KSR2: variants seen among roughly 807,000 people sequenced by gnomAD.
The protein encoded by KSR2 is kinase suppressor of ras 2.
Under a neutral mutation model 107.8 loss-of-function variants are expected in KSR2, and 25 were observed. The observed-to-expected ratio is 0.23, with a 90% CI of 0.17 to 0.32. KSR2 has a LOEUF of 0.32. KSR2 is among the 10% of genes least tolerant of loss of function. KSR2 has a pLI of 1.00. For synonymous variants in KSR2, 480 were observed against 507.0 expected (o/e 0.95, Z 0.71); for missense variants, 887 against 1,268.9 (o/e 0.70, Z 4.57).
intron 4 of KSR2, among the ~76,000 whole-genome samples, chr12:117,749,318 T>G (rs1393711682): frequency 6.6e-6 from 1 of 151,284 alleles, no homozygotes; most frequent in Non-Finnish European, 1.5e-5. Context: ...GAGCATCAAT[T>G]CCTAAGTGAC....
intron 4 of KSR2, among the ~76,000 whole-genome samples, chr12:117,755,355 G>A (rs1247710916): frequency 6.6e-6 from 1 of 152,218 alleles, no homozygotes; most frequent in African/African-American, 2.4e-5. Flanking sequence ...GTTTCCAACA[G>A]CACAAGCTCA....
At chr12:117,632,134 C>CATT (rs1882835430) in intron 5 of KSR2, among the ~76,000 whole-genome samples, 1 of 149,718 alleles carries the variant, frequency 6.7e-6, no homozygotes, top group South Asian at 2.1e-4. Flanking sequence ...CAGTAAACTA[C>CATT]ATTATTCAAC....
intron 5 of KSR2, among the ~76,000 whole-genome samples, chr12:117,610,859 T>C (rs1322824178): frequency 6.6e-6 from 1 of 151,378 alleles, no homozygotes; most frequent in East Asian, 1.9e-4. Context: ...TATAGATAGA[T>C]AAAGAGAGAG....
Position 117,635,852 on chromosome 12 carries a change from C to G in KSR2, c.1171+31622G>C, listed in dbSNP as rs948605174. ...TGTCACCCAGCCTAGAGTGCAGTGG[C>G]GCGATCTCAGCTCACCGCAACCTCC... On this transcript the variant is annotated intron_variant, in intron 5 of 19. Transcript: ENST00000339824. 2.0e-5 allele frequency among the ~76,000 whole-genome samples: 3 copies of G among 150,336 alleles called. No homozygotes were observed. In the South Asian group the frequency reaches 6.3e-4, roughly 31 times the overall value.
chr12:117,933,917 G>A (rs754726089), intron 1 of KSR2, among the ~76,000 whole-genome samples: 5 of 152,140 alleles, frequency 3.3e-5, no homozygotes, highest in Admixed American at 6.6e-5. Flanking sequence ...GATACATGGC[G>A]CCTCTTAAAT....
At chr12:117,750,327 A>C (rs1289301469) in intron 4 of KSR2, among the ~76,000 whole-genome samples, 2 of 151,544 alleles carry the variant, frequency 1.3e-5, no homozygotes, top group South Asian at 2.1e-4. Context: ...TCAGGAGCAT[A>C]CATTTTACTA....
intron 5 of KSR2, among the ~76,000 whole-genome samples, chr12:117,603,526 T>G (rs1881069781): frequency 6.6e-6 from 1 of 152,190 alleles, no homozygotes; most frequent in African/African-American, 2.4e-5. Flanking sequence ...GCTGTTAGTC[T>G]TTTGGCTCTA....
chr12:117,703,581 A>G (rs962094121), intron 4 of KSR2, among the ~76,000 whole-genome samples: 1 of 152,206 alleles, frequency 6.6e-6, no homozygotes, highest in African/African-American at 2.4e-5. Flanking sequence ...AAAACAGCAA[A>G]GAAATTGAAC....
intron 5 of KSR2, among the ~76,000 whole-genome samples, chr12:117,633,381 T>C (rs1394089758): frequency 6.6e-6 from 1 of 152,206 alleles, no homozygotes; most frequent in Non-Finnish European, 1.5e-5. Flanking sequence ...CAGGAACAGG[T>C]GTGCGGGTTG....
chr12:117,608,838 T>C (rs1216094842), intron 5 of KSR2, among the ~76,000 whole-genome samples: 2 of 152,024 alleles, frequency 1.3e-5, no homozygotes, highest in African/African-American at 2.4e-5. Flanking sequence ...CATGGGAAAT[T>C]GCATGGAGCT....
chr12:117,938,825 C>T (rs761644588), intron 1 of KSR2, among the ~76,000 whole-genome samples: 6 of 152,120 alleles, frequency 3.9e-5, no homozygotes, highest in Admixed American at 1.3e-4. Context: ...AAAGCTATGA[C>T]GCTGCTTCTT....
At chr12:117,935,465 A>C (rs780448804) in intron 1 of KSR2, among the ~76,000 whole-genome samples, 4 of 152,140 alleles carry the variant, frequency 2.6e-5, no homozygotes, top group African/African-American at 9.7e-5. Flanking sequence ...CACTGGTCTC[A>C]AAAGCTCTCA....
chr12:117,767,428 C>A (rs1212419654), intron 3 of KSR2, among the ~76,000 whole-genome samples: 1 of 149,258 alleles, frequency 6.7e-6, no homozygotes, highest in African/African-American at 2.5e-5. Flanking sequence ...CAGAGCGAGA[C>A]TCCTGTCTCA....
intron 3 of KSR2, among the ~76,000 whole-genome samples, chr12:117,765,836 A>T (rs1014003884): frequency 1.3e-5 from 2 of 152,200 alleles, no homozygotes; most frequent in Non-Finnish European, 2.9e-5. Flanking sequence ...AATTAATAAG[A>T]TAAAGCAATC....
chr12:117,860,379 G>T lies in KSR2; in HGVS notation c.233C>A (p.Ala78Asp). 10 of 1,613,428 alleles carry T rather than the reference G, an allele frequency of 6.2e-6. No individual in the cohort carries two copies. Among genetic ancestry groups the T allele is most frequent in the Non-Finnish European group, 8.5e-6 (10 of 1,179,730 alleles). The change falls in exon 2 of 20, where the codon GCC becomes GAC. Residue 78 changes from alanine to aspartate, a missense_variant. Transcript: ENST00000339824. ...SRQLSCKKKV[A>D]LQERNAELDG... ...CAGCTCCGCGTTGCGCTCCTGCAAGGCTACCTTCTTTTTGCAGGACAGCTG... is the reference window on the plus strand; with the variant it reads ...CAGCTCCGCGTTGCGCTCCTGCAAGTCTACCTTCTTTTTGCAGGACAGCTG...
intron 4 of KSR2, among the ~76,000 whole-genome samples, chr12:117,757,699 A>G (rs1888844425): frequency 6.6e-6 from 1 of 152,250 alleles, no homozygotes; most frequent in African/African-American, 2.4e-5. Context: ...AGTATGGCTC[A>G]CTGAAGGCTC....
At chr12:117,731,361 T>C (rs1265030763) in intron 4 of KSR2, among the ~76,000 whole-genome samples, 3 of 111,192 alleles carry the variant, frequency 2.7e-5, no homozygotes, top group African/African-American at 3.9e-5. Context: ...GCAGCCGCCC[T>C]GTCTGGGAAG....
chr12:117,537,674 T>C (rs1876146908), intron 10 of KSR2, among the ~76,000 whole-genome samples: 1 of 152,350 alleles, frequency 6.6e-6, no homozygotes, highest in South Asian at 2.1e-4. Flanking sequence ...CTAACTGCCA[T>C]GCTGAAGTGC....
At chr12:117,887,333 C>T (rs542809267) in intron 1 of KSR2, among the ~76,000 whole-genome samples, 1 of 152,210 alleles carries the variant, frequency 6.6e-6, no homozygotes, top group Admixed American at 6.6e-5. Flanking sequence ...AACTCCTGGG[C>T]TCAAGCAACC....
Sources: gnomAD v4.1 joint callset for allele counts (sites outside exome capture counted in the v4.1 genomes callset) on GRCh38, gnomAD v4.1.1 for gene constraint, MANE v1.5 for transcripts, NCBI Gene and HGNC (gene_info 2026-07-23, HGNC 2026-07-21) for gene names.